The following CHCHD3 variants were observed in gnomAD, a reference collection of about 807,000 sequenced individuals.
CHCHD3 encodes the protein coiled-coil-helix-coiled-coil-helix domain containing 3.
CHCHD3 carries 20 observed loss-of-function variants against 38.2 expected under a neutral mutation model. The observed-to-expected ratio is 0.52, with a 90% CI of 0.37 to 0.76. The LOEUF is 0.76. Among genes scored for constraint, CHCHD3 ranks in the 30% least tolerant of loss-of-function variants. The pLI is 0.00. For missense variants in CHCHD3, 245 were observed against 279.2 expected, an observed-to-expected ratio of 0.88 and a Z score of 0.87; for synonymous variants, 82 against 100.0, an observed-to-expected ratio of 0.82 and a Z score of 1.07.
At chr7:133,064,177 C>T (rs1025307199) in intron 2 of CHCHD3, among the ~76,000 whole-genome samples, 1 of 152,188 alleles carries the variant, frequency 6.6e-6, no homozygotes, top group African/African-American at 2.4e-5. Context: ...CCTTGAAGGT[C>T]AAAGATGGCG....
intron 5 of CHCHD3, among the ~76,000 whole-genome samples, chr7:132,843,578 T>C (rs542169429): frequency 1.3e-5 from 2 of 152,236 alleles, no homozygotes; most frequent in South Asian, 4.1e-4. Context: ...GACCCCAAAC[T>C]CCTCCAAGAA....
chr7:132,894,385 C>T (rs10215324), intron 4 of CHCHD3, among the ~76,000 whole-genome samples: 3,120 of 152,308 alleles, frequency 0.02, 59 homozygotes, highest in East Asian at 0.1. Context: ...ATCACCACAT[C>T]ACCATGCACT....
chr7:132,857,382 G>A (rs1217931606), intron 5 of CHCHD3, among the ~76,000 whole-genome samples: 1 of 152,090 alleles, frequency 6.6e-6, no homozygotes, highest in Non-Finnish European at 1.5e-5. Context: ...CAGGGAGACT[G>A]GCAAATCTCA....
intron 4 of CHCHD3, among the ~76,000 whole-genome samples, chr7:132,948,303 A>G (rs1810946995): frequency 6.6e-6 from 1 of 152,052 alleles, no homozygotes; most frequent in South Asian, 2.1e-4. Context: ...AAGATTTATC[A>G]CCTTGGAGGC....
chr7:132,958,165 C>T (rs969000596), intron 4 of CHCHD3, among the ~76,000 whole-genome samples: 2 of 152,156 alleles, frequency 1.3e-5, no homozygotes, highest in Non-Finnish European at 2.9e-5. Context: ...TTATTATAAA[C>T]ATCTCCACAA....
intron 2 of CHCHD3, chr7:133,036,030 C>T: frequency 1.3e-6 from 1 of 767,806 alleles, no homozygotes; most frequent in Non-Finnish European, 2.3e-6. Flanking sequence ...ACTTATTCTC[C>T]ATAAATAGTA....
intron 4 of CHCHD3, among the ~76,000 whole-genome samples, chr7:132,917,735 T>G (rs749943181): frequency 5.9e-5 from 9 of 151,542 alleles, no homozygotes; most frequent in Non-Finnish European, 8.8e-5. Context: ...GGCGGGCGCC[T>G]GTAGTCCCAG....
chr7:132,953,284 A>C (rs1415632138), intron 4 of CHCHD3, among the ~76,000 whole-genome samples: 8 of 152,200 alleles, frequency 5.3e-5, no homozygotes, highest in Admixed American at 5.2e-4. Flanking sequence ...CACAGCATGG[A>C]GAAACAGAGC....
intron 2 of CHCHD3, among the ~76,000 whole-genome samples, chr7:133,056,639 A>G (rs1344047307): frequency 6.6e-6 from 1 of 152,210 alleles, no homozygotes; most frequent in Non-Finnish European, 1.5e-5. Context: ...AAAGCCAAAG[A>G]GGGTAGACAG....
At chr7:132,991,790 T>C (rs1390099261) in intron 3 of CHCHD3, among the ~76,000 whole-genome samples, 3 of 152,220 alleles carry the variant, frequency 2.0e-5, no homozygotes, top group African/African-American at 7.2e-5. Flanking sequence ...CGAGAATCTT[T>C]ATTAGCACTT....
intron 4 of CHCHD3, among the ~76,000 whole-genome samples, chr7:132,901,581 T>C (rs751374213): frequency 7.2e-5 from 11 of 152,228 alleles, no homozygotes; most frequent in Non-Finnish European, 1.3e-4. Flanking sequence ...ATCAGATCTG[T>C]TCATGTGTCT....
chr7:132,888,606 A>G (rs10245279), intron 4 of CHCHD3, among the ~76,000 whole-genome samples: 14,214 of 151,954 alleles, frequency 0.094, 1,284 homozygotes, highest in East Asian at 0.31. Context: ...GAGTATTTAC[A>G]TCTAAGAAAA....
At chr7:133,007,454 T>C (rs1244769047) in intron 3 of CHCHD3, among the ~76,000 whole-genome samples, 4 of 152,230 alleles carry the variant, frequency 2.6e-5, no homozygotes, top group African/African-American at 9.7e-5. Flanking sequence ...ACTTATAAGC[T>C]AGCTTTTCTG....
At chr7:132,812,071 C>A (rs1807083884) in intron 6 of CHCHD3, among the ~76,000 whole-genome samples, 1 of 152,054 alleles carries the variant, frequency 6.6e-6, no homozygotes, top group Admixed American at 6.6e-5. Context: ...AGTAAATAGA[C>A]CCTTCAAGAT....
rs1811733997 is a variant in CHCHD3, at chr7:132,975,273, T to C, written c.265A>G (p.Lys89Glu). 1 of 1,612,930 alleles carries C rather than the reference T, an allele frequency of 6.2e-7. No homozygotes were observed. Among genetic ancestry groups the C allele is most frequent in the African/African-American group, 1.3e-5 (1 of 75,022 alleles). The change falls in exon 4 of 8, where the codon AAA becomes GAA. Residue 89 changes from lysine to glutamate, a missense_variant. By Grantham distance (56) the Lys-to-Glu change is moderately conservative (BLOSUM62 1). Transcript: ENST00000262570. Reference sequence around the variant, plus strand: ...GCAGCCCTCTCTCGGTCCAGCTCTTTGGCTTGCTTTAGTCTAAAATGACAA... The same window carrying C: ...GCAGCCCTCTCTCGGTCCAGCTCTTCGGCTTGCTTTAGTCTAAAATGACAA... ...SEDQKRLKQA[K>E]ELDRERAAAN...
chr7:133,025,150 A>G (rs1813301715), intron 2 of CHCHD3, among the ~76,000 whole-genome samples: 1 of 152,186 alleles, frequency 6.6e-6, no homozygotes, highest in Non-Finnish European at 1.5e-5. Flanking sequence ...TTGAAACCCT[A>G]TTTTTTGGAA....
chr7:132,959,933 A>T (rs1811272181), intron 4 of CHCHD3, among the ~76,000 whole-genome samples: 1 of 152,138 alleles, frequency 6.6e-6, no homozygotes, highest in Non-Finnish European at 1.5e-5. Context: ...TTCTGGAAAG[A>T]GAACAAGCCA....
At chr7:132,956,689 T>G (rs1811180448) in intron 4 of CHCHD3, among the ~76,000 whole-genome samples, 4 of 152,224 alleles carry the variant, frequency 2.6e-5, no homozygotes, top group Admixed American at 2.0e-4. Context: ...ATTTACTCAC[T>G]ATCTCACTCA....
rs550716325 is a variant in CHCHD3, at chr7:132,988,435, T to C, written c.252-13149A>G. Among the ~76,000 whole-genome samples, 7 of 152,284 alleles carry C rather than the reference T, an allele frequency of 4.6e-5. No homozygotes were observed. The South Asian group carries it at 1.2e-3, about 27-fold the overall frequency. ...GCACTTGGTAAGCATTCAAAATATA[T>C]TTTGAAAGAATGAATACAGAGTGTG... On this transcript the variant is annotated intron_variant, in intron 3 of 7. Coordinates refer to ENST00000262570, the MANE Select transcript of CHCHD3 (RefSeq NM_017812.4).
Sources: gnomAD v4.1 joint callset for allele counts (sites outside exome capture counted in the v4.1 genomes callset) on GRCh38, gnomAD v4.1.1 for gene constraint, MANE v1.5 for transcripts, NCBI Gene and HGNC (gene_info 2026-07-23, HGNC 2026-07-21) for gene names.